CEMIP2: variants seen among roughly 807,000 people sequenced by gnomAD.
CEMIP2 encodes the protein cell migration inducing hyaluronidase 2.
In CEMIP2, 79 loss-of-function variants were observed where a neutral mutation model predicts 146.9. That is an observed-to-expected ratio of 0.54 (90% CI 0.45 to 0.65). The LOEUF is 0.65. Ranked by LOEUF, CEMIP2 falls within the 30% of genes least tolerant of loss-of-function variation. CEMIP2 has a pLI of 0.00. For synonymous variants in CEMIP2, 601 were observed against 606.3 expected, an observed-to-expected ratio of 0.99 and a Z score of 0.13; for missense variants, 1,596 against 1,696.2, an observed-to-expected ratio of 0.94 and a Z score of 1.04.
chr9:71,736,437 G>A (rs1823762920), intron 5 of CEMIP2, among the ~76,000 whole-genome samples: 1 of 152,174 alleles, frequency 6.6e-6, no homozygotes, highest in Non-Finnish European at 1.5e-5. Context: ...GATGTCTACT[G>A]AATGGATGAG....
chr9:71,743,735 G>A (rs1823991042), intron 4 of CEMIP2, among the ~76,000 whole-genome samples: 1 of 152,140 alleles, frequency 6.6e-6, no homozygotes, highest in South Asian at 2.1e-4. Context: ...AAGCATCCAT[G>A]GGTATCCAGC....
At chr9:71,761,106 G>A (rs191277468) in intron 1 of CEMIP2, among the ~76,000 whole-genome samples, 224 of 152,310 alleles carry the variant, frequency 1.5e-3, no homozygotes, top group African/African-American at 5.0e-3. Context: ...GTGCAGGCGC[G>A]TCACCAGCCT....
chr9:71,701,001 T>C (rs1298241532), intron 18 of CEMIP2, among the ~76,000 whole-genome samples, 177 bp from the exon 19 acceptor site: 9 of 152,240 alleles, frequency 5.9e-5, no homozygotes, highest in Admixed American at 1.3e-4. Flanking sequence ...TTCTGAACCA[T>C]GGCATACTAA....
In CEMIP2 at chr9:71,690,105, C is replaced by T; in HGVS notation, c.3838G>A (p.Gly1280Ser). ...AGCTTGACCTACCTTGGAGGGATGC[C>T]TGTTTTTAAATACTCTTCAATGCGA... Reference protein sequence around the residue: ...VSRIEEYLKTGIPPRSIVLLS... With the variant: ...VSRIEEYLKTSIPPRSIVLLS... Residue 1280 changes from glycine (G) to serine (S), a missense_variant, in exon 22 of 24, where the codon GGC becomes AGC. Physicochemically the swap from Gly to Ser is moderately conservative, Grantham distance 56. Transcript: ENST00000377044. The T allele has an allele frequency of 6.2e-7, 1 of 1,614,074 alleles. No homozygotes were observed. The highest frequency in any genetic ancestry group is 1.3e-5 in the African/African-American group (1 of 75,032).
At chr9:71,746,938 G>A (rs1385960369) in intron 2 of CEMIP2, among the ~76,000 whole-genome samples, 1 of 152,168 alleles carries the variant, frequency 6.6e-6, no homozygotes, top group Non-Finnish European at 1.5e-5. Flanking sequence ...TTTCAGAGAT[G>A]AGGAAATTAC....
At chr9:71,716,577 A>G (rs1219823995) in intron 13 of CEMIP2, 25 bp from the exon 14 acceptor site, 1 of 1,565,840 alleles carries the variant, frequency 6.4e-7, no homozygotes, top group Non-Finnish European at 8.7e-7. Flanking sequence ...AGAATGAAGA[A>G]CATTTTAATT....
At chr9:71,753,904 G>C (rs1471262999) in intron 1 of CEMIP2, among the ~76,000 whole-genome samples, 8 of 152,010 alleles carry the variant, frequency 5.3e-5, no homozygotes, top group African/African-American at 1.9e-4. Flanking sequence ...GGAACTATGG[G>C]GTATACAGAA....
chr9:71,748,051 C>G (rs1456100073), intron 2 of CEMIP2, among the ~76,000 whole-genome samples: 1 of 152,168 alleles, frequency 6.6e-6, no homozygotes, highest in East Asian at 1.9e-4. Context: ...CCTCCCTCTT[C>G]CCATACAACA....
intron 19 of CEMIP2, chr9:71,699,059 C>T (rs1290937586): frequency 6.6e-6 from 1 of 150,492 alleles, no homozygotes; most frequent in Non-Finnish European, 1.5e-5. Flanking sequence ...AAAGGCAAAA[C>T]CCGCAATTCG....
intron 14 of CEMIP2, among the ~76,000 whole-genome samples, chr9:71,716,213 T>C (rs1432011234): frequency 2.0e-5 from 3 of 152,156 alleles, no homozygotes; most frequent in African/African-American, 4.8e-5. Flanking sequence ...TCCCTACTTT[T>C]ACTCCCTTCC....
intron 23 of CEMIP2, 22 bp downstream of exon 23, chr9:71,685,721 A>G (rs567342170): frequency 1.9e-6 from 3 of 1,593,680 alleles, no homozygotes; most frequent in Non-Finnish European, 1.7e-6. Flanking sequence ...TAAGAACTTC[A>G]TGAAATAATA....
At chr9:71,743,978 A>T (rs912727559) in intron 4 of CEMIP2, among the ~76,000 whole-genome samples, 1 of 152,220 alleles carries the variant, frequency 6.6e-6, no homozygotes, top group Non-Finnish European at 1.5e-5. Flanking sequence ...CTTTACTAAA[A>T]GCATTCAGCA....
intron 4 of CEMIP2, among the ~76,000 whole-genome samples, chr9:71,744,406 G>T (rs554446406): frequency 2.6e-4 from 39 of 151,738 alleles, no homozygotes; most frequent in Admixed American, 1.4e-3. Flanking sequence ...TAGGGTACAA[G>T]AACCATAAAT....
Position 71,717,950 on chromosome 9 carries a change from T to C in CEMIP2, c.2397A>G (p.Ser799=). The change falls in exon 13 of 24, where the codon TCA becomes TCG. Residue 799 remains serine (S), a splice_region_variant and synonymous_variant. Transcript: ENST00000377044. Reference sequence around the variant, plus strand: ...ATAACTTGGTAGAGAATACCCACGCTGAATTTTGAACGATAATATCTCCTC... The same window carrying C: ...ATAACTTGGTAGAGAATACCCACGCCGAATTTTGAACGATAATATCTCCTC... ...VRGGDIIVQN[S]AFADNGIGLT... The C allele has an allele frequency of 6.2e-7, 1 of 1,604,912 alleles. No homozygotes were observed. Among genetic ancestry groups the C allele is most frequent in the Non-Finnish European group, 8.5e-7 (1 of 1,176,476 alleles).
chr9:71,696,893 AGAG>A (rs1258498447), intron 20 of CEMIP2, among the ~76,000 whole-genome samples: 1 of 148,606 alleles, frequency 6.7e-6, no homozygotes, highest in Non-Finnish European at 1.5e-5. Flanking sequence ...GAAAAAAAAA[AGAG>A]AGAGAAATAT....
At chr9:71,756,049 C>G (rs1824431396) in intron 1 of CEMIP2, among the ~76,000 whole-genome samples, 1 of 149,010 alleles carries the variant, frequency 6.7e-6, no homozygotes, top group Non-Finnish European at 1.5e-5. Flanking sequence ...TGTACTTGTC[C>G]ATCTGCAGCA....
rs1824439249 is a variant in CEMIP2, at chr9:71,756,215, G to GATAGATAGATAGATAGATAGATAGACAGA, written c.-12-5831_-12-5830insTCTGTCTATCTATCTATCTATCTATCTAT. On this transcript the variant is annotated intron_variant, in intron 1 of 23. Transcript: ENST00000377044. ...GCTAGATAGATAGATAGATAGATAGGCTATATATATATGTATATAGGTGTA... is the reference window on the plus strand; with the variant it reads ...GCTAGATAGATAGATAGATAGATAGGATAGATAGATAGATAGATAGATAGACAGACTATATATATATGTATATAGGTGTA... Among the ~76,000 whole-genome samples the GATAGATAGATAGATAGATAGATAGACAGA allele has an allele frequency of 1.6e-4, 17 of 105,176 alleles. 1 individual carries two copies. In the South Asian group the frequency reaches 3.5e-3, roughly 22 times the overall value. The allele number at this position is 105,176 out of a possible 152,430, so 69.0% of individuals were successfully genotyped here.
chr9:71,691,478 A>G (rs112782390), intron 21 of CEMIP2, among the ~76,000 whole-genome samples: 27 of 152,014 alleles, frequency 1.8e-4, no homozygotes, highest in Middle Eastern at 3.4e-3. Context: ...TCCAGTGAAA[A>G]TAGTTCTGGA....
chr9:71,695,012 T>C (rs1458020261), intron 20 of CEMIP2, among the ~76,000 whole-genome samples: 2 of 152,058 alleles, frequency 1.3e-5, no homozygotes, highest in Non-Finnish European at 2.9e-5. Flanking sequence ...ACTACCCTGT[T>C]AAGAAACGTT....
Sources: gnomAD v4.1 joint callset for allele counts (sites outside exome capture counted in the v4.1 genomes callset) on GRCh38, gnomAD v4.1.1 for gene constraint, MANE v1.5 for transcripts, NCBI Gene and HGNC (gene_info 2026-07-23, HGNC 2026-07-21) for gene names.